Variants in PEX1 observed in about 807,000 individuals in gnomAD.
PEX1 encodes the protein peroxisomal ATPase PEX1.
In PEX1, 97 loss-of-function variants were observed where a neutral mutation model predicts 152.5. That is an observed-to-expected ratio of 0.64 (90% CI 0.54 to 0.75). PEX1 has a LOEUF of 0.75. PEX1 is among the 30% of genes least tolerant of loss of function. The pLI, the probability that PEX1 is intolerant of heterozygous loss-of-function variation, is 0.00. For missense variants in PEX1, 1,357 were observed against 1,516.3 expected (o/e 0.89, Z 1.74); for synonymous variants, 485 against 531.6 (o/e 0.91, Z 1.21).
chr7:92,500,489 G>A (rs752171427), intron 15 of PEX1, among the ~76,000 whole-genome samples: 1 of 152,180 alleles, frequency 6.6e-6, no homozygotes, highest in Non-Finnish European at 1.5e-5. Flanking sequence ...TAGTCTCCAT[G>A]TACTGCATCT....
At chr7:92,528,118 G>A (rs1039987163) in intron 1 of PEX1, among the ~76,000 whole-genome samples, 189 bp downstream of exon 1, 3 of 152,232 alleles carry the variant, frequency 2.0e-5, no homozygotes, top group East Asian at 1.9e-4. Context: ...GGGATAAGAC[G>A]AGCCCAGGGC....
chr7:92,499,523 A>G (rs1413233614), intron 16 of PEX1, among the ~76,000 whole-genome samples, 181 bp downstream of exon 16: 1 of 152,198 alleles, frequency 6.6e-6, no homozygotes, highest in African/African-American at 2.4e-5. Flanking sequence ...AAGCAGATGA[A>G]TGGTTGCCAG....
intron 11 of PEX1, 57 bp from the exon 12 acceptor site, chr7:92,504,959 G>A (rs1792115325): frequency 7.4e-7 from 1 of 1,355,064 alleles, no homozygotes; most frequent in Non-Finnish European, 1.1e-6. Context: ...GGAAAATTCA[G>A]GTTGTCCTTT....
intron 15 of PEX1, among the ~76,000 whole-genome samples, chr7:92,500,529 T>C (rs1416235718): frequency 6.6e-6 from 1 of 152,234 alleles, no homozygotes; most frequent in Non-Finnish European, 1.5e-5. Context: ...GTACTAATGC[T>C]TGATGCCCCA....
At position 92,528,404 on chromosome 7, in the gene PEX1, C is replaced by G; in HGVS notation, c.32G>C (p.Gly11Ala). Residue 11 changes from glycine to alanine, a missense_variant, in exon 1 of 24, where the codon GGG becomes GCG. Coordinates refer to ENST00000248633, the MANE Select transcript of PEX1 (RefSeq NM_000466.3). MWGSDRLAGA[G>A]GGGAAVTVAF... ...CACAGTCACTGCCGCCCCGCCTCCC[C>G]CAGCACCCGCCAGGCGATCGCTGCC... is the stretch of plus-strand genomic sequence containing the variant. 6.3e-7 allele frequency: 1 copy of G among 1,595,996 alleles called. No individual in the cohort carries two copies.
intron 20 of PEX1, among the ~76,000 whole-genome samples, chr7:92,492,045 G>A (rs1453032881): frequency 3.9e-5 from 6 of 152,186 alleles, no homozygotes; most frequent in African/African-American, 1.4e-4. Flanking sequence ...AGTCTATAAT[G>A]TAACAGTTCA....
rs373523366 is a variant in PEX1, at chr7:92,497,791, C to G, written c.2719-1014G>C. Among the ~76,000 whole-genome samples the G allele has an allele frequency of 1.2e-4, 19 of 152,152 alleles. 1 individual carries two copies. Among genetic ancestry groups the G allele is most frequent in the African/African-American group, 4.3e-4 (18 of 41,524 alleles). ...GAACAAGAAATAACTAAGGCAAGAC[C>G]GGGCACGGTGGTTCTCGCCTGTAAT... On this transcript the variant is annotated intron_variant, in intron 16 of 23. Coordinates refer to ENST00000248633, the MANE Select transcript of PEX1 (RefSeq NM_000466.3).
In PEX1 at chr7:92,502,024, A is replaced by G. The variant is rs1402397799; in HGVS notation, c.2282T>C (p.Ile761Thr). 1.4e-5 allele frequency: 22 copies of G among 1,612,990 alleles called. No individual in the cohort carries two copies. The highest frequency in any genetic ancestry group is 1.9e-5 in the Non-Finnish European group (22 of 1,179,090). Residue 761 changes from isoleucine (I) to threonine (T), a missense_variant, in exon 14 of 24, where the codon ATA becomes ACA. Transcript: ENST00000248633. ...CAGGTCAAGATCGGTGAACTTGTTT[A>G]TATCACAGTCCAATTTATTTTTTAT... ...NVIKNKLDCDINKFTDLDLQH... is the reference protein window; with the variant it reads ...NVIKNKLDCDTNKFTDLDLQH...
At chr7:92,505,498 T>C (rs568055401) in intron 11 of PEX1, among the ~76,000 whole-genome samples, 4 of 151,754 alleles carry the variant, frequency 2.6e-5, no homozygotes, top group East Asian at 1.9e-4. Flanking sequence ...TTTCATCCCA[T>C]TGAGAATTTT....
chr7:92,514,789 C>T (rs962385880), intron 5 of PEX1, among the ~76,000 whole-genome samples: 3 of 152,128 alleles, frequency 2.0e-5, no homozygotes, highest in East Asian at 1.9e-4. Context: ...CAGTGGCTCA[C>T]GCCTGTAATC....
In PEX1 at chr7:92,499,790, G is replaced by A. The variant is rs766615075; in HGVS notation, c.2632C>T (p.Leu878=). The change falls in exon 16 of 24, where the codon CTG becomes TTG. Residue 878 remains leucine (L), a synonymous_variant. Transcript: ENST00000248633. ...CCTGTTCCAGGCGGACCATACAACA[G>A]TATTCCTGTTCTTTGTCGTATGGGC... ...NLPIRQRTGI[L]LYGPPGTGKT... is the part of the protein sequence containing the mutation. 5 of 1,610,798 alleles carry A rather than the reference G, an allele frequency of 3.1e-6. No individual in the cohort carries two copies.
At position 92,510,549 on chromosome 7, in the gene PEX1, C is replaced by T. The variant is rs558345707; in HGVS notation, c.1587+395G>A. ...ATCTGATAATATTTCTGAAGAGTTG[C>T]GAATTTAAGAACTGTCAAAATAAGA... On this transcript the variant is annotated intron_variant, in intron 8 of 23. Transcript: ENST00000248633. Among the ~76,000 whole-genome samples the T allele has an allele frequency of 4.6e-5, 7 of 151,690 alleles. No individual in the cohort carries two copies. In the East Asian group the frequency reaches 5.8e-4, roughly 13 times the overall value.
In PEX1 at chr7:92,494,293, C is replaced by T. The variant is rs780900468; in HGVS notation, c.3030G>A (p.Gln1010=). 1.2e-6 allele frequency: 2 copies of T among 1,609,112 alleles called. No homozygotes were observed. Among genetic ancestry groups the T allele is most frequent in the South Asian group, 1.1e-5 (1 of 90,820 alleles). Residue 1010 remains glutamine, a splice_region_variant and synonymous_variant, in exon 19 of 24, where the codon CAG becomes CAA. Coordinates refer to ENST00000248633, the MANE Select transcript of PEX1 (RefSeq NM_000466.3). The part of the protein sequence containing the change: ...DKCVYCPPPD[Q]VSRLEILNVL... ...TGGACTCTAAATATGAAATTGTCAC[C>T]TGATCAGGAGGAGGACAGTATACAC...
In PEX1 at chr7:92,528,444, A is replaced by C; in HGVS notation, c.-9T>G. On this transcript the variant is annotated 5_prime_UTR_variant, in exon 1 of 24. Coordinates refer to ENST00000248633, the MANE Select transcript of PEX1 (RefSeq NM_000466.3). ...CGATCGCTGCCCCACATCGTCCCGG[A>C]GCGTCGCTCTGGGTTCGCCCACCCT... The C allele has an allele frequency of 6.3e-7, 1 of 1,579,294 alleles. No homozygotes were observed. Among genetic ancestry groups the C allele is most frequent in the Non-Finnish European group, 8.6e-7 (1 of 1,164,570 alleles).
rs746036111 is a variant in PEX1, at chr7:92,517,587, A to G, written c.928T>C (p.Cys310Arg). ...ASATSVFHKH[C>R]AIHVFPWDQE... is the part of the protein sequence containing the mutation. ...TCCCATGGAAATACATGAATGGCAC[A>G]GTGTTTATGAAAAACAGAGGTTGCT... Residue 310 changes from cysteine to arginine, a missense_variant, in exon 5 of 24, where the codon TGT (cysteine) becomes CGT (arginine). Physicochemically the swap from Cys to Arg is radical, Grantham distance 180. Coordinates refer to ENST00000248633, the MANE Select transcript of PEX1 (RefSeq NM_000466.3). The G allele has an allele frequency of 3.1e-6, 5 of 1,613,988 alleles. No homozygotes were observed. Among genetic ancestry groups the G allele is most frequent in the Admixed American group, 1.7e-5 (1 of 60,006 alleles).
chr7:92,490,652 A>AAG (rs1791251321), intron 21 of PEX1, among the ~76,000 whole-genome samples: 1 of 140,324 alleles, frequency 7.1e-6, no homozygotes, highest in Admixed American at 7.1e-5. Flanking sequence ...AAAAAAAAAA[A>AAG]GCCTAAATTA....
At chr7:92,523,512 T>C (rs987603121) in intron 1 of PEX1, among the ~76,000 whole-genome samples, 2 of 151,980 alleles carry the variant, frequency 1.3e-5, no homozygotes, top group African/African-American at 4.8e-5. Flanking sequence ...AGAGATGGGA[T>C]CTCACTATGT....
At position 92,489,705 on chromosome 7, in the gene PEX1, A is replaced by G. The variant is rs1422270779; in HGVS notation, c.3636+9T>C. ...TTTAACAATTATAATGAGGGGGAAA[A>G]AGCCATACTCCACTTTGGCTCCGGT... On this transcript the variant is annotated intron_variant, in intron 22 of 23. Coordinates refer to ENST00000248633, the MANE Select transcript of PEX1 (RefSeq NM_000466.3). 6.2e-7 allele frequency: 1 copy of G among 1,608,172 alleles called. No individual in the cohort carries two copies. The highest frequency in any genetic ancestry group is 1.1e-5 in the South Asian group (1 of 90,974).
At chr7:92,525,591 G>A (rs1793229519) in intron 1 of PEX1, among the ~76,000 whole-genome samples, 1 of 152,154 alleles carries the variant, frequency 6.6e-6, no homozygotes, top group Admixed American at 6.5e-5. Context: ...CACAGATAGG[G>A]GGAGGCAGTA....
Sources: gnomAD v4.1 joint callset for allele counts (sites outside exome capture counted in the v4.1 genomes callset) on GRCh38, gnomAD v4.1.1 for gene constraint, MANE v1.5 for transcripts, NCBI Gene and HGNC (gene_info 2026-07-23, HGNC 2026-07-21) for gene names.